DCC: variants seen among roughly 807,000 people sequenced by gnomAD.
DCC encodes DCC netrin 1 receptor, also known as netrin receptor DCC.
A neutral mutation model predicts 172.5 loss-of-function variants in DCC; 58 were observed. The ratio of observed to expected loss-of-function variants is 0.34; its 90% CI spans 0.27 to 0.42. DCC has a LOEUF of 0.42. Ranked by LOEUF, DCC falls within the 10% of genes least tolerant of loss-of-function variation. The pLI, the probability that DCC is intolerant of heterozygous loss-of-function variation, is 1.00. For synonymous variants in DCC, 709 were observed against 644.5 expected, an observed-to-expected ratio of 1.10 and a Z score of -1.52; for missense variants, 1,740 against 1,791.0, an observed-to-expected ratio of 0.97 and a Z score of 0.51.
At chr18:53,132,454 T>G (rs1459803122) in intron 7 of DCC, among the ~76,000 whole-genome samples, 1 of 152,140 alleles carries the variant, frequency 6.6e-6, no homozygotes, top group Non-Finnish European at 1.5e-5. Context: ...GATCCACGCT[T>G]AAGTCCTTCC....
intron 1 of DCC, among the ~76,000 whole-genome samples, chr18:52,737,656 CAAG>C (rs1232689771): frequency 4.6e-5 from 7 of 151,820 alleles, no homozygotes; most frequent in Admixed American, 2.6e-4. Flanking sequence ...AAGACAGGGA[CAAG>C]GAGGGAGGAA....
At chr18:52,896,807 G>A (rs764619088) in intron 2 of DCC, among the ~76,000 whole-genome samples, 1 of 152,136 alleles carries the variant, frequency 6.6e-6, no homozygotes, top group African/African-American at 2.4e-5. Context: ...GTTAGGACAC[G>A]TTGTAGTTCA....
intron 1 of DCC, among the ~76,000 whole-genome samples, chr18:52,448,831 G>C (rs1988211843): frequency 6.6e-6 from 1 of 152,190 alleles, no homozygotes; most frequent in South Asian, 2.1e-4. Context: ...GTCCCTAATG[G>C]CTTGCCAAAT....
chr18:53,391,667 C>A lies in DCC; in HGVS notation c.2468C>A (p.Pro823Gln), dbSNP rs1282143457. The change falls in exon 17 of 29, where the codon CCA (proline) becomes CAA (glutamine). Residue 823 changes from proline (P) to glutamine (Q), a missense_variant. Around this residue, in one of 2 missense-constraint regions of DCC, gnomAD observed 1,732 missense variants for 1,767.4 expected, o/e 0.98. Transcript: ENST00000442544. ...TTRSITDPTDPVDYYPLLDDF... is the reference protein window; with the variant it reads ...TTRSITDPTDQVDYYPLLDDF... Reference sequence around the variant, plus strand: ...TTTTTAAACCCAGATCCCACTGACCCAGTTGATTATTATCCTTTGCTTGAT... The same window carrying A: ...TTTTTAAACCCAGATCCCACTGACCAAGTTGATTATTATCCTTTGCTTGAT... 6.2e-7 allele frequency: 1 copy of A among 1,613,018 alleles called. No individual in the cohort carries two copies. Among genetic ancestry groups the A allele is most frequent in the Non-Finnish European group, 8.5e-7 (1 of 1,179,108 alleles).
chr18:52,540,436 C>A (rs562384974), intron 1 of DCC, among the ~76,000 whole-genome samples: 52 of 151,842 alleles, frequency 3.4e-4, no homozygotes, highest in African/African-American at 1.1e-3. Flanking sequence ...CAAAAAAAAA[C>A]CATATTTTAA....
chr18:53,063,119 G>T (rs1568279467), intron 5 of DCC, among the ~76,000 whole-genome samples, 186 bp from the exon 6 acceptor site: 1 of 151,700 alleles, frequency 6.6e-6, no homozygotes, highest in Non-Finnish European at 1.5e-5. Flanking sequence ...CTGTTTAACT[G>T]CATTTGGGGG....
chr18:53,117,460 T>C (rs189794360), intron 7 of DCC, among the ~76,000 whole-genome samples: 2 of 151,866 alleles, frequency 1.3e-5, no homozygotes, highest in East Asian at 3.9e-4. Context: ...TCTCCCAAAC[T>C]TTTATTTGCT....
chr18:53,040,758 C>T lies in DCC; in HGVS notation c.986-22547C>T, dbSNP rs147579632. ...GGGATCTGGCAAACTAATCAAGGAA[C>T]GAGTAACTCTGGACATGAGCAAATT... On this transcript the variant is annotated intron_variant, in intron 5 of 28. Coordinates refer to ENST00000442544, the MANE Select transcript of DCC (RefSeq NM_005215.4). 6.2e-3 allele frequency among the ~76,000 whole-genome samples: 944 copies of T among 151,766 alleles called. 11 individuals are homozygous for T. Among genetic ancestry groups the T allele is most frequent in the African/African-American group, 0.022 (904 of 41,416 alleles).
At chr18:53,397,179 C>A (rs1025842998) in intron 17 of DCC, 129 bp from the exon 18 acceptor site, 192 of 810,290 alleles carry the variant, frequency 2.4e-4, no homozygotes, top group Admixed American at 1.2e-4. Context: ...CAGTGCTATG[C>A]TCTACTCCTC....
intron 5 of DCC, among the ~76,000 whole-genome samples, chr18:53,018,386 G>T (rs2041836718): frequency 6.6e-6 from 1 of 152,190 alleles, no homozygotes; most frequent in Non-Finnish European, 1.5e-5. Context: ...CTTTAAGGAA[G>T]ATACATTCTT....
intron 1 of DCC, among the ~76,000 whole-genome samples, chr18:52,366,591 A>G (rs1040731596): frequency 6.6e-6 from 1 of 151,790 alleles, no homozygotes; most frequent in Non-Finnish European, 1.5e-5. Context: ...GCAGCTAGAT[A>G]CAGAGTGTCG....
chr18:52,523,620 C>T (rs780825738), intron 1 of DCC, among the ~76,000 whole-genome samples: 7 of 152,018 alleles, frequency 4.6e-5, no homozygotes, highest in African/African-American at 1.7e-4. Flanking sequence ...ATTGTGAATG[C>T]CTCTGGTTAC....
At chr18:53,469,300 T>C (rs769553493) in intron 25 of DCC, among the ~76,000 whole-genome samples, 19 of 152,194 alleles carry the variant, frequency 1.2e-4, no homozygotes, top group Non-Finnish European at 1.2e-4. Flanking sequence ...TAGCTAAATG[T>C]ATCTGGAGAA....
At chr18:52,704,316 T>TA (rs1421921525) in intron 1 of DCC, among the ~76,000 whole-genome samples, 12 of 152,162 alleles carry the variant, frequency 7.9e-5, no homozygotes, top group African/African-American at 2.9e-4. Flanking sequence ...ATTTGTTTTT[T>TA]AAAAAAAGAG....
intron 1 of DCC, among the ~76,000 whole-genome samples, chr18:52,626,456 T>C (rs1462661933): frequency 1.3e-5 from 2 of 152,178 alleles, no homozygotes; most frequent in African/African-American, 4.8e-5. Flanking sequence ...TCTGCTTTTT[T>C]TTTTCTGCCC....
intron 1 of DCC, among the ~76,000 whole-genome samples, chr18:52,566,612 C>A (rs1286324798): frequency 2.0e-5 from 3 of 151,976 alleles, no homozygotes; most frequent in Admixed American, 6.6e-5. Flanking sequence ...TTTGTATATA[C>A]CTTTATGTGA....
At chr18:53,238,109 G>T (rs2056232308) in intron 12 of DCC, among the ~76,000 whole-genome samples, 1 of 152,104 alleles carries the variant, frequency 6.6e-6, no homozygotes, top group Non-Finnish European at 1.5e-5. Flanking sequence ...TATATTCCTT[G>T]AATTTATCTA....
intron 2 of DCC, among the ~76,000 whole-genome samples, chr18:52,815,975 G>A (rs1217953616): frequency 6.6e-6 from 1 of 152,288 alleles, no homozygotes; most frequent in Non-Finnish European, 1.5e-5. Flanking sequence ...TAACAAAAAA[G>A]AGATAAACCA....
intron 1 of DCC, among the ~76,000 whole-genome samples, chr18:52,634,755 C>A (rs1252133530): frequency 6.6e-6 from 1 of 152,100 alleles, no homozygotes; most frequent in Non-Finnish European, 1.5e-5. Context: ...TCTTGATCTG[C>A]TAAATCATAC....
Sources: gnomAD v4.1 joint callset for allele counts (sites outside exome capture counted in the v4.1 genomes callset) on GRCh38, gnomAD v4.1.1 for gene constraint, gnomAD v4.1.1 regional missense constraint, MANE v1.5 for transcripts, NCBI Gene and HGNC (gene_info 2026-07-23, HGNC 2026-07-21) for gene names.